Variants in OTOGL observed in about 807,000 individuals in gnomAD.
OTOGL encodes otogelin like, also known as otogelin-like protein.
OTOGL carries 285 observed loss-of-function variants against 318.5 expected under a neutral mutation model. The ratio of observed to expected loss-of-function variants is 0.89; its 90% CI spans 0.81 to 0.99. The LOEUF is 0.99. OTOGL is among the 50% of genes least tolerant of loss of function. The pLI is 0.00. For synonymous variants in OTOGL, 987 were observed against 936.5 expected, an observed-to-expected ratio of 1.05 and a Z score of -0.99; for missense variants, 2,899 against 2,845.6, an observed-to-expected ratio of 1.02 and a Z score of -0.43.
At chr12:80,176,496 A>C (rs1031154446) in intron 1 of OTOGL, among the ~76,000 whole-genome samples, 1 of 152,148 alleles carries the variant, frequency 6.6e-6, no homozygotes, top group Non-Finnish European at 1.5e-5. Flanking sequence ...ATAAAAATGG[A>C]ATATATACAG....
intron 26 of OTOGL, among the ~76,000 whole-genome samples, chr12:80,283,603 G>C (rs551279502): frequency 3.3e-5 from 5 of 151,004 alleles, no homozygotes; most frequent in African/African-American, 1.2e-4. Flanking sequence ...CACAATTATG[G>C]CTGAATTATG....
chr12:80,136,536 T>G (rs964207585), intron 1 of OTOGL, among the ~76,000 whole-genome samples: 2 of 152,222 alleles, frequency 1.3e-5, no homozygotes, highest in Non-Finnish European at 2.9e-5. Flanking sequence ...TGTACTACTC[T>G]GTTTCTAGTT....
In OTOGL at chr12:80,261,893, T is replaced by C. The variant is rs1592624769; in HGVS notation, c.1890-76T>C. On this transcript the variant is annotated intron_variant, in intron 18 of 58. Transcript: ENST00000547103. ...TTGTACATTATGAAAAATAGTATTC[T>C]CTTATTTAAATATCTGAAGGTTATG... The C allele has an allele frequency of 2.0e-6, 3 of 1,481,612 alleles. No homozygotes were observed. The East Asian group carries it at 7.1e-5, about 35-fold the overall frequency. 91.8% of individuals were successfully genotyped at this position (1,481,612 alleles called of 1,614,324 possible). A position where few individuals can be genotyped will look rare whatever the true frequency, so the allele number is the denominator to read the frequency against.
intron 33 of OTOGL, among the ~76,000 whole-genome samples, chr12:80,319,310 T>A (rs960514756): frequency 1.3e-5 from 2 of 152,150 alleles, no homozygotes; most frequent in Non-Finnish European, 2.9e-5. Flanking sequence ...TCTGATCCAG[T>A]GATGTTCAGG....
At chr12:80,246,088 C>T (rs1469616888) in intron 11 of OTOGL, among the ~76,000 whole-genome samples, 4 of 151,398 alleles carry the variant, frequency 2.6e-5, no homozygotes, top group Non-Finnish European at 5.9e-5. Context: ...TTTCTAGATA[C>T]ACAATCATGT....
intron 1 of OTOGL, among the ~76,000 whole-genome samples, chr12:80,108,645 T>C (rs1354930649): frequency 6.6e-6 from 1 of 151,140 alleles, no homozygotes; most frequent in Non-Finnish European, 1.5e-5. Context: ...AATCAATTAT[T>C]AAATTGGTGG....
chr12:80,346,437 T>G (rs921254036), intron 44 of OTOGL, among the ~76,000 whole-genome samples: 1 of 152,152 alleles, frequency 6.6e-6, no homozygotes, highest in Non-Finnish European at 1.5e-5. Flanking sequence ...TAGATCTGTA[T>G]GAAGGTCTGA....
In OTOGL at chr12:80,168,355, T is replaced by A. The variant is rs1000011806; in HGVS notation, c.-19-41058T>A. Among the ~76,000 whole-genome samples, 204 of 152,300 alleles carry A rather than the reference T, an allele frequency of 1.3e-3. 3 individuals carry two copies. Among genetic ancestry groups the A allele is most frequent in the Non-Finnish European group, 2.4e-3 (165 of 68,024 alleles). ...ATTCTTTCACTCTATAAGATATTTTTAAAAAATATAGCCTATAAGAGAACA... is the reference window on the plus strand; with the variant it reads ...ATTCTTTCACTCTATAAGATATTTTAAAAAAATATAGCCTATAAGAGAACA... On this transcript the variant is annotated intron_variant, in intron 1 of 58. Coordinates refer to ENST00000547103, the MANE Select transcript of OTOGL (RefSeq NM_001378609.3).
intron 44 of OTOGL, among the ~76,000 whole-genome samples, chr12:80,347,140 C>T (rs1396935913): frequency 6.7e-6 from 1 of 149,614 alleles, no homozygotes; most frequent in Non-Finnish European, 1.5e-5. Flanking sequence ...TGACTTACAT[C>T]TTTTTTTTTT....
At chr12:80,140,867 C>T (rs1210167819) in intron 1 of OTOGL, among the ~76,000 whole-genome samples, 2 of 152,078 alleles carry the variant, frequency 1.3e-5, no homozygotes, top group African/African-American at 4.8e-5. Context: ...ATACGGACAT[C>T]AGTAATTTTT....
chr12:80,300,015 A>G (rs1183303259), intron 27 of OTOGL, among the ~76,000 whole-genome samples: 1 of 152,212 alleles, frequency 6.6e-6, no homozygotes. Flanking sequence ...TGCAAAACCA[A>G]ACTGAGCAAA....
intron 44 of OTOGL, among the ~76,000 whole-genome samples, chr12:80,345,236 T>C (rs1021667923): frequency 1.4e-5 from 2 of 139,046 alleles, no homozygotes; most frequent in African/African-American, 5.4e-5. Flanking sequence ...ATTATATATA[T>C]ATATTTTTTT....
intron 32 of OTOGL, among the ~76,000 whole-genome samples, chr12:80,314,815 A>G (rs955453429): frequency 6.6e-6 from 1 of 152,188 alleles, no homozygotes; most frequent in African/African-American, 2.4e-5. Flanking sequence ...CAGGCCAATT[A>G]GCATATCCAT....
intron 34 of OTOGL, 124 bp downstream of exon 34, chr12:80,320,824 G>GT: frequency 9.8e-7 from 1 of 1,021,916 alleles, no homozygotes. Context: ...ATGACCTTAA[G>GT]TAAGTGTCTT....
In OTOGL at chr12:80,345,239, A is replaced by ATTTTTT. The variant is rs968702009; in HGVS notation, c.5265+3079_5265+3084dup. 6.2e-4 allele frequency among the ~76,000 whole-genome samples: 84 copies of ATTTTTT among 136,472 alleles called. 1 individual carries two copies. Among genetic ancestry groups the ATTTTTT allele is most frequent in the Admixed American group, 1.9e-3 (25 of 12,944 alleles). 89.5% of individuals were successfully genotyped at this position (136,472 alleles called of 152,430 possible). ...AAATATATATATATTATATATATAT[A>ATTTTTT]TTTTTTTGAAGAGTCTTGCTCTGTC... is the stretch of plus-strand genomic sequence containing the variant. On this transcript the variant is annotated intron_variant, in intron 44 of 58. Coordinates refer to ENST00000547103, the MANE Select transcript of OTOGL (RefSeq NM_001378609.3).
rs780144604 is a variant in OTOGL at position 80,377,176 on chromosome 12, A to G, written c.6835A>G (p.Lys2279Glu). Residue 2279 changes from lysine to glutamate, a missense_variant, in exon 58 of 59, where the codon AAA becomes GAA. Lys to Glu is a moderately conservative substitution (Grantham distance 56). Coordinates refer to ENST00000547103, the MANE Select transcript of OTOGL (RefSeq NM_001378609.3). ...QKVIIKSVIR[K>E]QDCMSQSPIN... ...AGTGATCATTAAATCGGTCATAAGGAAACAGGACTGTATGAGCCAAAGCCC... is the reference window on the plus strand; with the variant it reads ...AGTGATCATTAAATCGGTCATAAGGGAACAGGACTGTATGAGCCAAAGCCC... The G allele has an allele frequency of 3.4e-5, 54 of 1,609,356 alleles. No individual in the cohort carries two copies. Among genetic ancestry groups the G allele is most frequent in the Non-Finnish European group, 4.5e-5 (53 of 1,177,282 alleles).
intron 29 of OTOGL, among the ~76,000 whole-genome samples, chr12:80,306,772 CT>C (rs11354571): frequency 0.89 from 128,813 of 144,846 alleles, 57,355 homozygotes; most frequent in Middle Eastern, 0.95. Context: ...GTAACTATTT[CT>C]TTTTTTTTTT....
intron 10 of OTOGL, 128 bp from the exon 11 acceptor site, chr12:80,239,205 A>T: frequency 1.1e-6 from 1 of 950,294 alleles, no homozygotes; most frequent in Admixed American, 3.4e-5. Context: ...ATGTTAGTTA[A>T]AATGTATAAG....
At chr12:80,184,430 T>A (rs1422551184) in intron 1 of OTOGL, among the ~76,000 whole-genome samples, 6 of 152,190 alleles carry the variant, frequency 3.9e-5, no homozygotes, top group Non-Finnish European at 8.8e-5. Context: ...AAAAGACGTA[T>A]TTTTTTCTCT....
Sources: allele counts gnomAD v4.1 joint callset (sites outside exome capture counted in the v4.1 genomes callset), GRCh38; gene constraint gnomAD v4.1.1; transcripts MANE v1.5; gene names NCBI Gene and HGNC (gene_info 2026-07-23, HGNC 2026-07-21).